The following ZFC3H1 variants were observed in gnomAD, a reference collection of about 807,000 sequenced individuals.
ZFC3H1 encodes zinc finger C3H1 domain-containing protein.
A neutral mutation model predicts 243.7 loss-of-function variants in ZFC3H1; 71 were observed. That is an observed-to-expected ratio of 0.29 (90% CI 0.24 to 0.36). The LOEUF is 0.36. ZFC3H1 is among the 10% of genes least tolerant of loss of function. ZFC3H1 has a pLI of 1.00. For synonymous variants in ZFC3H1, 838 were observed against 813.0 expected, an observed-to-expected ratio of 1.03 and a Z score of -0.52; for missense variants, 1,966 against 2,317.1, an observed-to-expected ratio of 0.85 and a Z score of 3.11.
chr12:71,632,090 T>A lies in ZFC3H1; in HGVS notation c.3242A>T (p.Glu1081Val). 1 of 1,611,300 alleles carries A rather than the reference T, an allele frequency of 6.2e-7. No individual in the cohort carries two copies. The highest frequency in any genetic ancestry group is 8.5e-7 in the Non-Finnish European group (1 of 1,179,196). The part of the protein sequence containing the change: ...KLNKNTVEKP[E>V]LFLGLKIGEL... ...ACCAATTTTTAACCCTAGAAAAAGT[T>A]CTGGTTTTTCTACAGTATTTTTATT... The change falls in exon 15 of 35, where the codon GAA becomes GTA. Residue 1081 changes from glutamate to valine, a missense_variant. By Grantham distance (121) the Glu-to-Val change is moderately radical (BLOSUM62 -2). Coordinates refer to ENST00000378743, the MANE Select transcript of ZFC3H1 (RefSeq NM_144982.5).
At chr12:71,630,206 G>T (rs535122192) in intron 18 of ZFC3H1, among the ~76,000 whole-genome samples, 143 of 152,108 alleles carry the variant, frequency 9.4e-4, no homozygotes, top group African/African-American at 3.3e-3. Flanking sequence ...TCTATTTTTT[G>T]AAAACAATAA....
chr12:71,616,089 A>T (rs1879888145), intron 27 of ZFC3H1, among the ~76,000 whole-genome samples: 1 of 152,140 alleles, frequency 6.6e-6, no homozygotes, highest in African/African-American at 2.4e-5. Flanking sequence ...CAGGAGTTCA[A>T]GATCAGCCTG....
Position 71,654,457 on chromosome 12 carries a change from A to G in ZFC3H1, c.1015+2428T>C, listed in dbSNP as rs538899109. ...TCTTATCTAAAACACACACACACAG[A>G]GAATATATTTATACATATATAATTC... On this transcript the variant is annotated intron_variant, in intron 2 of 34. Coordinates refer to ENST00000378743, the MANE Select transcript of ZFC3H1 (RefSeq NM_144982.5). 4.6e-5 allele frequency among the ~76,000 whole-genome samples: 7 copies of G among 152,322 alleles called. No homozygotes were observed. The South Asian group carries it at 1.2e-3, about 27-fold the overall frequency.
chr12:71,623,485 G>A lies in ZFC3H1; in HGVS notation c.4619C>T (p.Ser1540Leu). 1 of 1,613,782 alleles carries A rather than the reference G, an allele frequency of 6.2e-7. No individual in the cohort carries two copies. Among genetic ancestry groups the A allele is most frequent in the Middle Eastern group, 1.7e-4 (1 of 6,058 alleles). Residue 1540 changes from serine to leucine, a missense_variant, in exon 24 of 35, where the codon TCA (serine) becomes TTA (leucine). Ser to Leu is a moderately radical substitution (Grantham distance 145). Transcript: ENST00000378743. Reference sequence around the variant, plus strand: ...ATCATTAGATGGATCATAAAATTTTGAAGGGAGAATGTTGAATTCAATAAG... The same window carrying A: ...ATCATTAGATGGATCATAAAATTTTAAAGGGAGAATGTTGAATTCAATAAG... Reference protein sequence around the residue: ...IHLIEFNILPSKFYDPSNDNP... With the variant: ...IHLIEFNILPLKFYDPSNDNP...
chr12:71,621,598 G>A (rs1046225207), intron 24 of ZFC3H1, among the ~76,000 whole-genome samples: 3 of 152,080 alleles, frequency 2.0e-5, no homozygotes, highest in Non-Finnish European at 4.4e-5. Flanking sequence ...GAGGCACCAC[G>A]CACGGCCAAG....
At chr12:71,656,804 A>G in intron 2 of ZFC3H1, 81 bp downstream of exon 2, 2 of 1,365,942 alleles carry the variant, frequency 1.5e-6, no homozygotes, top group South Asian at 1.4e-5. Flanking sequence ...AATCATTTCA[A>G]TGAAGTACAC....
Position 71,647,783 on chromosome 12 carries a change from C to A in ZFC3H1, c.1046G>T (p.Arg349Ile). ...GLQDKEQNLT[R>I]RISTSDILSE... is the part of the protein sequence containing the mutation. ...CAGAATATCTGAGGTACTAATTCTTCTTGTTAAATTTTGTTCTTTATCTTG... is the reference window on the plus strand; with the variant it reads ...CAGAATATCTGAGGTACTAATTCTTATTGTTAAATTTTGTTCTTTATCTTG... The change falls in exon 3 of 35, where the codon AGA (arginine) becomes ATA (isoleucine). Residue 349 changes from arginine to isoleucine, a missense_variant. Physicochemically the swap from Arg to Ile is moderately conservative, Grantham distance 97 (BLOSUM62 -3). This residue lies in a region of ZFC3H1 where 484 missense variants were observed against 449.7 expected (regional missense o/e 1.08). Coordinates refer to ENST00000378743, the MANE Select transcript of ZFC3H1 (RefSeq NM_144982.5). The A allele has an allele frequency of 6.8e-7, 1 of 1,472,056 alleles. No individual in the cohort carries two copies. The highest frequency in any genetic ancestry group is 9.2e-7 in the Non-Finnish European group (1 of 1,081,810). 91.2% of individuals were successfully genotyped at this position (1,472,056 alleles called of 1,614,324 possible).
chr12:71,644,043 C>CT, intron 5 of ZFC3H1, 52 bp downstream of exon 5: 2 of 1,483,978 alleles, frequency 1.3e-6, no homozygotes, highest in Non-Finnish European at 9.3e-7. Context: ...TGAAATATGA[C>CT]TTTAAGGAAA....
chr12:71,658,092 TCTTA>T (rs1467150277), intron 1 of ZFC3H1, among the ~76,000 whole-genome samples: 3 of 152,108 alleles, frequency 2.0e-5, no homozygotes, highest in Non-Finnish European at 4.4e-5. Context: ...AAGCAACTGT[TCTTA>T]CTTTCTTCTC....
At chr12:71,647,697 A>C (rs1880763085) in intron 3 of ZFC3H1, 52 bp downstream of exon 3, 1 of 963,430 alleles carries the variant, frequency 1.0e-6, no homozygotes, top group Non-Finnish European at 1.6e-6. Flanking sequence ...AAAATAAAGC[A>C]ATGCAAAAAT....
At chr12:71,662,971 C>G (rs750754673) in intron 1 of ZFC3H1, 42 bp downstream of exon 1, 11 of 1,535,882 alleles carry the variant, frequency 7.2e-6, no homozygotes, top group Non-Finnish European at 8.7e-6. Context: ...CTAAAGGGAA[C>G]TTTAGTGACA....
At chr12:71,638,841 A>C (rs913667495) in intron 6 of ZFC3H1, among the ~76,000 whole-genome samples, 1 of 152,160 alleles carries the variant, frequency 6.6e-6, no homozygotes, top group African/African-American at 2.4e-5. Flanking sequence ...AAAAAAACAC[A>C]AGCATATTTT....
In ZFC3H1 at chr12:71,636,835, A is replaced by G. The variant is rs1432123801; in HGVS notation, c.1935+15T>C. 3 of 1,613,258 alleles carry G rather than the reference A, an allele frequency of 1.9e-6. No homozygotes were observed. The highest frequency in any genetic ancestry group is 1.3e-5 in the African/African-American group (1 of 74,978). ...GCTCAAGAGCACCACCTAGAGGTTT[A>G]GGTACCTAAATTACCTCTGGCTTAA... On this transcript the variant is annotated intron_variant, in intron 8 of 34. Transcript: ENST00000378743.
rs1440354944 is a variant in ZFC3H1, at chr12:71,615,210, A to G, written c.5251T>C (p.Tyr1751His). The G allele has an allele frequency of 1.2e-6, 2 of 1,607,930 alleles. No individual in the cohort carries two copies. Among genetic ancestry groups the G allele is most frequent in the South Asian group, 2.2e-5 (2 of 90,122 alleles). ...NHQVPYLWLI[Y>H]CLCHPLQSSI... ...TCTCCACAGTGGATGTCTCACCAGT[A>G]AATCAGCCACAAATAAGGAACTTGG... Residue 1751 changes from tyrosine (Y) to histidine (H), a missense_variant, in exon 28 of 35, where the codon TAC (tyrosine) becomes CAC (histidine). This residue lies in a region of ZFC3H1 where 1,383 missense variants were observed against 1,723.7 expected (regional missense o/e 0.80). Transcript: ENST00000378743.
intron 31 of ZFC3H1, 54 bp downstream of exon 31, chr12:71,613,281 T>TAA: frequency 7.8e-7 from 1 of 1,288,546 alleles, no homozygotes; most frequent in Non-Finnish European, 1.1e-6. Context: ...TAATCTTATA[T>TAA]AAAGAGCCTA....
At chr12:71,643,992 G>A (rs974204646) in intron 5 of ZFC3H1, 103 bp downstream of exon 5, 2 of 1,035,884 alleles carry the variant, frequency 1.9e-6, no homozygotes, top group Non-Finnish European at 2.8e-6. Flanking sequence ...TTTTTTCCAA[G>A]AGTTATTTAT....
At chr12:71,645,124 C>T (rs745381276) in intron 3 of ZFC3H1, 49 bp from the exon 4 acceptor site, 1 of 1,483,476 alleles carries the variant, frequency 6.7e-7, no homozygotes, top group South Asian at 1.3e-5. Context: ...TATTATTTAG[C>T]TTACACATTT....
At chr12:71,655,052 A>G (rs1240847824) in intron 2 of ZFC3H1, among the ~76,000 whole-genome samples, 7 of 152,168 alleles carry the variant, frequency 4.6e-5, no homozygotes, top group African/African-American at 1.7e-4. Context: ...TTAGTAACTG[A>G]TCAAGCATAT....
intron 30 of ZFC3H1, among the ~76,000 whole-genome samples, chr12:71,614,033 TCTA>T (rs1282337678): frequency 2.0e-5 from 3 of 152,198 alleles, no homozygotes; most frequent in African/African-American, 7.2e-5. Flanking sequence ...TTAATTAGAT[TCTA>T]CTTTTAGAAT....
Sources: gnomAD v4.1 joint callset for allele counts (sites outside exome capture counted in the v4.1 genomes callset) on GRCh38, gnomAD v4.1.1 for gene constraint, gnomAD v4.1.1 regional missense constraint, MANE v1.5 for transcripts, NCBI Gene and HGNC (gene_info 2026-07-23, HGNC 2026-07-21) for gene names.